WDR70: variants seen among roughly 807,000 people sequenced by gnomAD.
WDR70 encodes WD repeat-containing protein 70.
WDR70 carries 53 observed loss-of-function variants against 88.6 expected under a neutral mutation model. The ratio of observed to expected loss-of-function variants is 0.60; its 90% CI spans 0.48 to 0.75. The LOEUF is 0.75. Ranked by LOEUF, WDR70 falls within the 30% of genes least tolerant of loss-of-function variation. The pLI is 0.00. For synonymous variants in WDR70, 280 were observed against 270.0 expected (o/e 1.04, Z -0.36); for missense variants, 610 against 823.2 (o/e 0.74, Z 3.17).
intron 10 of WDR70, among the ~76,000 whole-genome samples, chr5:37,689,812 G>T (rs1746728965): frequency 6.6e-6 from 1 of 152,220 alleles, no homozygotes; most frequent in Non-Finnish European, 1.5e-5. Flanking sequence ...CTCCTCCAAA[G>T]ATCGCAGCTC....
At chr5:37,534,941 G>A (rs1001717592) in intron 9 of WDR70, among the ~76,000 whole-genome samples, 1 of 151,850 alleles carries the variant, frequency 6.6e-6, no homozygotes, top group African/African-American at 2.4e-5. Context: ...ACCTCAGAGT[G>A]TAGTAATTAG....
At chr5:37,635,885 AG>A (rs1744948763) in intron 10 of WDR70, among the ~76,000 whole-genome samples, 2 of 152,176 alleles carry the variant, frequency 1.3e-5, no homozygotes, top group African/African-American at 4.8e-5. Context: ...TGTGATAGTG[AG>A]TGAATTTTCA....
At chr5:37,433,217 C>A (rs142548607) in intron 5 of WDR70, among the ~76,000 whole-genome samples, 1 of 151,998 alleles carries the variant, frequency 6.6e-6, no homozygotes, top group Non-Finnish European at 1.5e-5. Context: ...TGTGCTACCA[C>A]GCCTGGCTAA....
chr5:37,582,640 C>A (rs889462775), intron 9 of WDR70, among the ~76,000 whole-genome samples: 1 of 152,180 alleles, frequency 6.6e-6, no homozygotes, highest in African/African-American at 2.4e-5. Context: ...TAAAAGTAAC[C>A]ATGGTAAAAT....
intron 13 of WDR70, among the ~76,000 whole-genome samples, chr5:37,720,050 A>G (rs1021937456): frequency 3.9e-5 from 6 of 152,218 alleles, no homozygotes; most frequent in African/African-American, 1.2e-4. Flanking sequence ...AGATTTCAAG[A>G]TATTCTGTCT....
intron 10 of WDR70, among the ~76,000 whole-genome samples, chr5:37,656,084 C>A (rs192089781): frequency 1.3e-5 from 2 of 151,790 alleles, no homozygotes; most frequent in East Asian, 3.9e-4. Context: ...GATTTATCTA[C>A]CTTTGGTCTT....
chr5:37,524,434 A>G (rs927192603), intron 9 of WDR70, among the ~76,000 whole-genome samples: 1 of 152,186 alleles, frequency 6.6e-6, no homozygotes, highest in African/African-American at 2.4e-5. Context: ...AAATGCTGAG[A>G]GATTTTGTCA....
At chr5:37,676,981 G>A (rs141029785) in intron 10 of WDR70, among the ~76,000 whole-genome samples, 54,850 of 151,920 alleles carry the variant, frequency 0.36, 11,953 homozygotes, top group Admixed American at 0.5. Flanking sequence ...ATGTGTCGAG[G>A]AATTTATCCA....
At chr5:37,521,102 G>GA (rs35815625) in intron 9 of WDR70, among the ~76,000 whole-genome samples, 2 of 152,144 alleles carry the variant, frequency 1.3e-5, no homozygotes, top group Non-Finnish European at 2.9e-5. Flanking sequence ...GAGCAGTTGG[G>GA]AAAAAAACTT....
In WDR70 at chr5:37,702,982, C is replaced by T; in HGVS notation, c.1311C>T (p.Leu437=). The T allele has an allele frequency of 1.2e-6, 2 of 1,613,552 alleles. No homozygotes were observed. Residue 437 remains leucine (L), a synonymous_variant, in exon 13 of 18, where the codon CTC becomes CTT. Transcript: ENST00000265107. ...TDCCFSPDDK[L]IVTGTSIQRG... ...GCTGTTTCAGTCCAGATGATAAGCT[C>T]ATAGTCACTGGTACATCTATTCAAA...
chr5:37,677,166 T>G (rs1746253703), intron 10 of WDR70, among the ~76,000 whole-genome samples: 1 of 152,218 alleles, frequency 6.6e-6, no homozygotes, highest in Non-Finnish European at 1.5e-5. Context: ...TCAATTTTGT[T>G]GATCCTTTCA....
chr5:37,630,211 A>G (rs1275370925), intron 10 of WDR70, among the ~76,000 whole-genome samples: 1 of 152,162 alleles, frequency 6.6e-6, no homozygotes, highest in African/African-American at 2.4e-5. Context: ...TTGTAGCCAC[A>G]GGGATGTTAC....
chr5:37,484,568 T>TGGGGAGAGGGAG (rs1448747840), intron 8 of WDR70, among the ~76,000 whole-genome samples: 2 of 151,776 alleles, frequency 1.3e-5, no homozygotes, highest in Non-Finnish European at 2.9e-5. Context: ...AGGGAGACCG[T>TGGGGAGAGGGAG]GGGGAGAGGG....
intron 3 of WDR70, among the ~76,000 whole-genome samples, chr5:37,384,946 C>T (rs376600332): frequency 2.0e-5 from 3 of 152,136 alleles, no homozygotes; most frequent in African/African-American, 4.8e-5. Flanking sequence ...AGGTTGTGAC[C>T]AGTGCTTCTA....
At chr5:37,706,380 T>G (rs1043570350) in intron 13 of WDR70, among the ~76,000 whole-genome samples, 3 of 152,230 alleles carry the variant, frequency 2.0e-5, no homozygotes, top group Admixed American at 2.0e-4. Flanking sequence ...GATTTGTTTA[T>G]GTCCCCACCC....
chr5:37,418,981 C>G (rs972457850), intron 5 of WDR70, among the ~76,000 whole-genome samples: 22 of 152,078 alleles, frequency 1.4e-4, no homozygotes, highest in African/African-American at 5.3e-4. Context: ...CCAGGCTGGT[C>G]TCCGACTTCT....
At chr5:37,569,217 GT>G (rs1258977129) in intron 9 of WDR70, among the ~76,000 whole-genome samples, 22 of 152,134 alleles carry the variant, frequency 1.4e-4, no homozygotes, top group Non-Finnish European at 3.2e-4. Flanking sequence ...AATGTTTATT[GT>G]TTTAAGCTAC....
At chr5:37,418,984 C>G (rs10070203) in intron 5 of WDR70, among the ~76,000 whole-genome samples, 20,401 of 151,606 alleles carry the variant, frequency 0.13, 4,491 homozygotes, top group African/African-American at 0.46. Flanking sequence ...GGCTGGTCTC[C>G]GACTTCTGGC....
chr5:37,714,831 C>T (rs1384727330), intron 13 of WDR70, among the ~76,000 whole-genome samples: 2 of 152,196 alleles, frequency 1.3e-5, no homozygotes, highest in African/African-American at 4.8e-5. Flanking sequence ...AAATTCTTCT[C>T]AAGTAACAGG....
Sources: allele counts gnomAD v4.1 joint callset (sites outside exome capture counted in the v4.1 genomes callset), GRCh38; gene constraint gnomAD v4.1.1; transcripts MANE v1.5; gene names NCBI Gene and HGNC (gene_info 2026-07-23, HGNC 2026-07-21).